DYNC1I1: variants seen among roughly 807,000 people sequenced by gnomAD.
The protein encoded by DYNC1I1 is dynein cytoplasmic 1 intermediate chain 1, also known as cytoplasmic dynein 1 intermediate chain 1.
Under a neutral mutation model 86.6 loss-of-function variants are expected in DYNC1I1, and 43 were observed. That is an observed-to-expected ratio of 0.50 (90% CI 0.39 to 0.64). The LOEUF is 0.64. Ranked by LOEUF, DYNC1I1 falls within the 30% of genes least tolerant of loss-of-function variation. DYNC1I1 has a pLI of 0.00. For synonymous variants in DYNC1I1, 262 were observed against 283.7 expected (o/e 0.92, Z 0.77); for missense variants, 604 against 788.8 (o/e 0.77, Z 2.81).
At chr7:95,964,251 G>T (rs1792947883) in intron 6 of DYNC1I1, among the ~76,000 whole-genome samples, 1 of 152,158 alleles carries the variant, frequency 6.6e-6, no homozygotes, top group Non-Finnish European at 1.5e-5. Flanking sequence ...GCACTCCGAA[G>T]ATCTTATTTC....
chr7:95,890,815 G>A (rs1417781829), intron 6 of DYNC1I1, among the ~76,000 whole-genome samples: 6 of 152,114 alleles, frequency 3.9e-5, no homozygotes, highest in African/African-American at 1.4e-4. Flanking sequence ...TCTCTGGTCT[G>A]GGCACCAGTT....
At chr7:95,996,703 T>C (rs578181761) in intron 10 of DYNC1I1, among the ~76,000 whole-genome samples, 2 of 152,318 alleles carry the variant, frequency 1.3e-5, no homozygotes, top group South Asian at 4.1e-4. Context: ...ATGGTACCCT[T>C]GTACACGTTC....
At chr7:95,954,261 C>G (rs1005404376) in intron 6 of DYNC1I1, among the ~76,000 whole-genome samples, 1 of 148,194 alleles carries the variant, frequency 6.7e-6, no homozygotes, top group African/African-American at 2.5e-5. Flanking sequence ...TAGCTAGATC[C>G]ACACTATCTA....
chr7:95,839,328 G>T (rs1306175152), intron 5 of DYNC1I1, among the ~76,000 whole-genome samples: 2 of 152,138 alleles, frequency 1.3e-5, no homozygotes, highest in African/African-American at 4.8e-5. Flanking sequence ...ACTGCACCCA[G>T]CCTCCTTTCT....
At chr7:95,814,698 T>C (rs759721250) in intron 4 of DYNC1I1, among the ~76,000 whole-genome samples, 9 of 152,154 alleles carry the variant, frequency 5.9e-5, no homozygotes, top group Non-Finnish European at 1.2e-4. Flanking sequence ...ACTGGAATTA[T>C]GTTACCTATT....
chr7:95,868,753 G>A (rs1790082249), intron 5 of DYNC1I1, among the ~76,000 whole-genome samples: 1 of 152,146 alleles, frequency 6.6e-6, no homozygotes, highest in African/African-American at 2.4e-5. Flanking sequence ...TTATGTGTAT[G>A]TGGTACATAG....
intron 10 of DYNC1I1, among the ~76,000 whole-genome samples, chr7:96,017,994 TCAC>T (rs1293737634): frequency 6.6e-6 from 1 of 152,120 alleles, no homozygotes; most frequent in Non-Finnish European, 1.5e-5. Context: ...ATAGTAAATA[TCAC>T]CACAATTGGT....
rs868342280 is a variant in DYNC1I1, at chr7:96,045,368, G to C, written c.1509+5947G>C. Among the ~76,000 whole-genome samples, 15 of 152,284 alleles carry C rather than the reference G, an allele frequency of 9.9e-5. No individual in the cohort carries two copies. The Middle Eastern group carries it at 0.014, about 138-fold the overall frequency. ...CACTGCAAATGAGGACGTCACAAAAGGTCAAGGTGCTGGTGTGTTGTGGGC... is the reference window on the plus strand; with the variant it reads ...CACTGCAAATGAGGACGTCACAAAACGTCAAGGTGCTGGTGTGTTGTGGGC... On this transcript the variant is annotated intron_variant, in intron 14 of 16. Coordinates refer to ENST00000447467, the MANE Select transcript of DYNC1I1 (RefSeq NM_001135556.2).
chr7:95,974,073 CAT>C (rs1793242324), intron 6 of DYNC1I1, among the ~76,000 whole-genome samples: 1 of 152,186 alleles, frequency 6.6e-6, no homozygotes, highest in African/African-American at 2.4e-5. Flanking sequence ...TTTTTGCTCA[CAT>C]GTCACCTCAT....
intron 10 of DYNC1I1, among the ~76,000 whole-genome samples, chr7:95,998,395 A>T (rs546809202): frequency 1.3e-5 from 2 of 152,378 alleles, no homozygotes; most frequent in East Asian, 3.9e-4. Context: ...ATGGTTCTAG[A>T]CGTGGCTATC....
At chr7:95,864,208 A>G (rs554581798) in intron 5 of DYNC1I1, among the ~76,000 whole-genome samples, 4 of 152,312 alleles carry the variant, frequency 2.6e-5, no homozygotes, top group Middle Eastern at 3.4e-3. Flanking sequence ...AAAAGTGTCA[A>G]TTGAACCAGA....
chr7:95,832,893 T>C (rs1409680061), intron 5 of DYNC1I1, among the ~76,000 whole-genome samples: 1 of 152,076 alleles, frequency 6.6e-6, no homozygotes, highest in African/African-American at 2.4e-5. Flanking sequence ...GAGTGGGTCG[T>C]GAAAATTTTC....
At chr7:95,953,054 C>G (rs996873877) in intron 6 of DYNC1I1, among the ~76,000 whole-genome samples, 3 of 150,164 alleles carry the variant, frequency 2.0e-5, no homozygotes, top group Non-Finnish European at 4.4e-5. Flanking sequence ...AGGTCCATAT[C>G]TTAACTAGTT....
intron 5 of DYNC1I1, among the ~76,000 whole-genome samples, chr7:95,860,029 A>G (rs1039677441): frequency 6.6e-6 from 1 of 152,124 alleles, no homozygotes; most frequent in Non-Finnish European, 1.5e-5. Flanking sequence ...TGCTACAACC[A>G]GGTTCTATGA....
At chr7:95,903,833 T>C (rs1791103741) in intron 6 of DYNC1I1, among the ~76,000 whole-genome samples, 1 of 152,136 alleles carries the variant, frequency 6.6e-6, no homozygotes, top group African/African-American at 2.4e-5. Context: ...AATTTGAATC[T>C]CTGTTTGACT....
At chr7:95,866,467 A>G (rs539769674) in intron 5 of DYNC1I1, among the ~76,000 whole-genome samples, 2 of 152,340 alleles carry the variant, frequency 1.3e-5, no homozygotes, top group African/African-American at 2.4e-5. Context: ...TTACTCTTGC[A>G]TAGAGCCAAA....
intron 16 of DYNC1I1, among the ~76,000 whole-genome samples, chr7:96,096,805 C>T (rs1266840398): frequency 1.3e-5 from 2 of 152,080 alleles, no homozygotes; most frequent in Non-Finnish European, 2.9e-5. Flanking sequence ...GCTATGCAAC[C>T]TTGGTAAGAT....
chr7:95,980,773 T>C (rs1028982211), intron 7 of DYNC1I1, among the ~76,000 whole-genome samples: 2 of 134,512 alleles, frequency 1.5e-5, no homozygotes, highest in African/African-American at 4.0e-5. Context: ...AGAAAACTTC[T>C]ATATGTCAGT....
chr7:95,949,805 A>G (rs1423459809), intron 6 of DYNC1I1, among the ~76,000 whole-genome samples: 2 of 152,222 alleles, frequency 1.3e-5, no homozygotes, highest in African/African-American at 4.8e-5. Context: ...CTCCTCCTTT[A>G]AAAAGCAACA....
Sources: allele counts gnomAD v4.1 joint callset (sites outside exome capture counted in the v4.1 genomes callset), GRCh38; gene constraint gnomAD v4.1.1; transcripts MANE v1.5; gene names NCBI Gene and HGNC (gene_info 2026-07-23, HGNC 2026-07-21).